POU6F2: variants seen among roughly 807,000 people sequenced by gnomAD.
POU6F2 encodes POU class 6 homeobox 2, also known as POU domain, class 6, transcription factor 2.
In POU6F2, 31 loss-of-function variants were observed where a neutral mutation model predicts 71.3. The ratio of observed to expected loss-of-function variants is 0.43; its 90% CI spans 0.33 to 0.59. The LOEUF (loss-of-function observed/expected upper bound fraction) is 0.59, where lower values mean the gene tolerates loss of function less well. Among genes scored for constraint, POU6F2 ranks in the 20% least tolerant of loss-of-function variants. POU6F2 has a pLI of 0.04. For missense variants in POU6F2, 783 were observed against 856.8 expected, an observed-to-expected ratio of 0.91 and a Z score of 1.07; for synonymous variants, 347 against 355.7, an observed-to-expected ratio of 0.98 and a Z score of 0.27.
At position 39,326,259 on chromosome 7, in the gene POU6F2, A is replaced by G. The variant is rs558189243; in HGVS notation, c.599-13383A>G. ...TGAATCTCAGACTTCTAGAAAAACA[A>G]CAACAACCACTTGGTTATCCACGTA... On this transcript the variant is annotated intron_variant, in intron 4 of 9. Transcript: ENST00000518318. Among the ~76,000 whole-genome samples the G allele has an allele frequency of 4.7e-4, 72 of 152,366 alleles. No homozygotes were observed. In the South Asian group the frequency reaches 0.012, roughly 25 times the overall value.
In POU6F2 at chr7:39,467,569, A is replaced by G. The variant is rs1025538029; in HGVS notation, c.*2883A>G. On this transcript the variant is annotated 3_prime_UTR_variant, in exon 10 of 10. Coordinates refer to ENST00000518318, the MANE Select transcript of POU6F2 (RefSeq NM_001370959.1). ...TTATCTGCATTTTCATTACTTCATG[A>G]AAAAATGACAGTGGATATTACATTT... 2 of 152,258 alleles carry G rather than the reference A, an allele frequency of 1.3e-5. No individual in the cohort carries two copies. Among genetic ancestry groups the G allele is most frequent in the African/African-American group, 4.8e-5 (2 of 41,470 alleles). 9.4% of individuals were successfully genotyped at this position (152,258 alleles called of 1,614,324 possible).
intron 2 of POU6F2, among the ~76,000 whole-genome samples, chr7:39,181,727 C>G (rs1793439876): frequency 6.6e-6 from 1 of 152,166 alleles, no homozygotes; most frequent in Non-Finnish European, 1.5e-5. Context: ...CAAGCCATCC[C>G]CACCTCTCTC....
At chr7:39,015,828 TAG>T (rs1415999292) in intron 1 of POU6F2, among the ~76,000 whole-genome samples, 5 of 62,184 alleles carry the variant, frequency 8.0e-5, no homozygotes, top group African/African-American at 1.1e-4. Context: ...ATATTATATA[TAG>T]ATATATAATA....
intron 4 of POU6F2, among the ~76,000 whole-genome samples, chr7:39,308,003 A>G (rs928944460): frequency 6.6e-6 from 1 of 152,112 alleles, no homozygotes; most frequent in Non-Finnish European, 1.5e-5. Flanking sequence ...TTCATAGACT[A>G]GCTTCTGGCT....
intron 2 of POU6F2, among the ~76,000 whole-genome samples, chr7:39,140,713 C>T (rs1792479755): frequency 6.6e-6 from 1 of 151,874 alleles, no homozygotes; most frequent in South Asian, 2.1e-4. Flanking sequence ...CCTTTTTTGC[C>T]ACAACATTCA....
chr7:39,262,237 TC>T (rs1784149855), intron 4 of POU6F2, among the ~76,000 whole-genome samples: 1 of 152,140 alleles, frequency 6.6e-6, no homozygotes, highest in African/African-American at 2.4e-5. Flanking sequence ...TGGTGGGACA[TC>T]AAGAGGAAGA....
intron 7 of POU6F2, among the ~76,000 whole-genome samples, chr7:39,436,848 A>C (rs998034651): frequency 1.3e-5 from 2 of 152,204 alleles, no homozygotes; most frequent in Non-Finnish European, 2.9e-5. Context: ...GTTGAATTTT[A>C]TCAAAGGCTT....
chr7:39,030,235 T>A (rs1789906712), intron 1 of POU6F2, among the ~76,000 whole-genome samples: 1 of 151,846 alleles, frequency 6.6e-6, no homozygotes, highest in African/African-American at 2.4e-5. Context: ...TCCCTTTCTG[T>A]GTTTTTTGGA....
intron 2 of POU6F2, among the ~76,000 whole-genome samples, chr7:39,094,911 T>G (rs758315532): frequency 1.4e-4 from 21 of 152,270 alleles, no homozygotes; most frequent in Middle Eastern, 3.4e-3. Context: ...TGAAATGCAC[T>G]TCATCAAAAC....
At chr7:39,230,955 G>C (rs1794562705) in intron 4 of POU6F2, among the ~76,000 whole-genome samples, 1 of 152,172 alleles carries the variant, frequency 6.6e-6, no homozygotes. Flanking sequence ...TACTCCCCCA[G>C]GGTCACTTGG....
chr7:39,136,606 AATTTT>A (rs1339605930), intron 2 of POU6F2, among the ~76,000 whole-genome samples: 1 of 152,188 alleles, frequency 6.6e-6, no homozygotes, highest in Non-Finnish European at 1.5e-5. Flanking sequence ...TAAAATAGGC[AATTTT>A]AAATATATGA....
intron 4 of POU6F2, among the ~76,000 whole-genome samples, chr7:39,297,196 T>TACACACACACACACAC (rs61192418): frequency 1.2e-4 from 17 of 139,026 alleles, no homozygotes; most frequent in East Asian, 2.1e-4. Context: ...CACATACACA[T>TACACACACACACACAC]ACACACACAC....
chr7:39,169,573 A>G (rs1793175986), intron 2 of POU6F2, among the ~76,000 whole-genome samples: 1 of 152,186 alleles, frequency 6.6e-6, no homozygotes, highest in Non-Finnish European at 1.5e-5. Context: ...TAATTTCTGC[A>G]TTCTTTTTGG....
intron 2 of POU6F2, among the ~76,000 whole-genome samples, chr7:39,203,971 G>A (rs1023413410): frequency 6.6e-6 from 1 of 152,032 alleles, no homozygotes; most frequent in African/African-American, 2.4e-5. Flanking sequence ...GTACTTAAAG[G>A]TTGCAGCTTC....
chr7:39,010,990 T>C (rs984091489), intron 1 of POU6F2, among the ~76,000 whole-genome samples: 31 of 144,910 alleles, frequency 2.1e-4, no homozygotes, highest in African/African-American at 7.4e-4. Context: ...CTGAAAAAAA[T>C]GTATATTCTG....
intron 2 of POU6F2, among the ~76,000 whole-genome samples, chr7:39,103,158 C>T (rs762151018): frequency 6.6e-6 from 1 of 152,218 alleles, no homozygotes; most frequent in Non-Finnish European, 1.5e-5. Context: ...TCCCTCCTCT[C>T]GTGGACTTCA....
chr7:39,185,083 A>G (rs1562737647), intron 2 of POU6F2, among the ~76,000 whole-genome samples: 2 of 152,224 alleles, frequency 1.3e-5, no homozygotes, highest in Non-Finnish European at 2.9e-5. Context: ...TTGCAGCTTC[A>G]TAAATAATAT....
In POU6F2 at chr7:39,367,169, A is replaced by T. The variant is rs1583554119; in HGVS notation, c.972+27154A>T. Among the ~76,000 whole-genome samples, 5 of 152,180 alleles carry T rather than the reference A, an allele frequency of 3.3e-5. No individual in the cohort carries two copies. The South Asian group carries it at 1.0e-3, about 32-fold the overall frequency. On this transcript the variant is annotated intron_variant, in intron 5 of 9. Transcript: ENST00000518318. ...TGAATTAATCTTCATTAATTTAACC[A>T]TTACCAGTAACAGTAGTTTGGGAAT...
chr7:39,359,494 TAAA>T (rs1786330148), intron 5 of POU6F2, among the ~76,000 whole-genome samples: 2 of 152,344 alleles, frequency 1.3e-5, no homozygotes, highest in South Asian at 4.1e-4. Context: ...TATTTTTATG[TAAA>T]ATATATGCTC....
Sources: gnomAD v4.1 joint callset for allele counts (sites outside exome capture counted in the v4.1 genomes callset) on GRCh38, gnomAD v4.1.1 for gene constraint, MANE v1.5 for transcripts, NCBI Gene and HGNC (gene_info 2026-07-23, HGNC 2026-07-21) for gene names.